The following HMSD variants were observed in gnomAD, a reference collection of about 807,000 sequenced individuals.
HMSD encodes the protein serpin-like protein HMSD.
In HMSD, 13 loss-of-function variants were observed where a neutral mutation model predicts 10.0. The ratio of observed to expected loss-of-function variants is 1.31; its 90% confidence interval spans 0.85 to 2.08. HMSD has a LOEUF of 2.08. Ranked by LOEUF, HMSD falls within the 30% of genes most tolerant of loss-of-function variation. The probability of loss-of-function intolerance (pLI) is 0.00; values close to 1 mark genes in which losing one functional copy is unlikely to be tolerated. For missense variants in HMSD, 169 were observed against 166.3 expected (o/e 1.02, Z -0.09); for synonymous variants, 51 against 54.2 (o/e 0.94, Z 0.26).
intron 3 of HMSD, among the ~76,000 whole-genome samples, chr18:63,957,596 AT>A (rs1250090883): frequency 1.3e-5 from 2 of 152,160 alleles, no homozygotes; most frequent in Non-Finnish European, 1.5e-5. Context: ...TATTTATAAG[AT>A]TTGTATATGA....
chr18:63,959,908 A>C (rs758206156), intron 3 of HMSD, among the ~76,000 whole-genome samples: 1 of 152,008 alleles, frequency 6.6e-6, no homozygotes. Context: ...GTGTACTGCC[A>C]CTCTCATGAA....
In HMSD at chr18:63,954,517, C is replaced by T; in HGVS notation, c.182C>T (p.Ala61Val). The T allele has an allele frequency of 1.2e-6, 2 of 1,612,630 alleles. No individual in the cohort carries two copies. Among genetic ancestry groups the T allele is most frequent in the Middle Eastern group, 1.7e-4 (1 of 6,058 alleles). The change falls in exon 3 of 4, where the codon GCC becomes GTC. Residue 61 changes from alanine (A) to valine (V), a missense_variant. Coordinates refer to ENST00000408945, the MANE Select transcript of HMSD (RefSeq NM_001123366.2). ...GACACTGAATATGTGCTTAGAACTG[C>T]CAACGGGCTCTTTGGAGAAAAGTCT... ...RTDTEYVLRT[A>V]NGLFGEKSYD... is the part of the protein sequence containing the mutation.
downstream of HMSD, among the ~76,000 whole-genome samples, chr18:63,964,131 C>T (rs753688505): frequency 1.6e-4 from 25 of 152,248 alleles, no homozygotes; most frequent in Non-Finnish European, 3.2e-4. Context: ...ATAGCCACTG[C>T]AGACTGCATG....
chr18:63,957,118 G>A (rs978465145), intron 3 of HMSD, among the ~76,000 whole-genome samples: 2 of 152,020 alleles, frequency 1.3e-5, no homozygotes, highest in African/African-American at 2.4e-5. Context: ...ACTACCTATC[G>A]GGTACTAGGC....
chr18:63,968,938 C>G (rs577835412), intron 3 of HMSD, among the ~76,000 whole-genome samples: 1 of 152,308 alleles, frequency 6.6e-6, no homozygotes, highest in East Asian at 1.9e-4. Context: ...AGGGAAATCA[C>G]TGAGCGAGTT....
Position 63,960,480 on chromosome 18 carries a change from C to G in HMSD, c.*125C>G, listed in dbSNP as rs1436894701. 1 of 1,334,186 alleles carries G rather than the reference C, an allele frequency of 7.5e-7. No individual in the cohort carries two copies. Among genetic ancestry groups the G allele is most frequent in the Admixed American group, 3.3e-5 (1 of 30,512 alleles). 82.6% of individuals were successfully genotyped at this position (1,334,186 alleles called of 1,614,324 possible). On this transcript the variant is annotated 3_prime_UTR_variant, in exon 4 of 4. Transcript: ENST00000408945. Reference sequence around the variant, plus strand: ...CTTATCAAGTATCTGTGATGTCTCTCTAGATGAAATAATCTCTTCCAGGTT... The same window carrying G: ...CTTATCAAGTATCTGTGATGTCTCTGTAGATGAAATAATCTCTTCCAGGTT...
chr18:63,950,966 A>C (rs1367696041), intron 1 of HMSD, among the ~76,000 whole-genome samples: 2 of 152,234 alleles, frequency 1.3e-5, no homozygotes, highest in South Asian at 4.1e-4. Flanking sequence ...ACCCTAGGAA[A>C]TATAAAAAGA....
intron 3 of HMSD, among the ~76,000 whole-genome samples, chr18:63,956,562 T>TA (rs1474561985): frequency 2.0e-5 from 3 of 152,182 alleles, no homozygotes; most frequent in African/African-American, 7.2e-5. Flanking sequence ...GAATGGCTGT[T>TA]ATTAAAATGT....
chr18:63,951,048 T>G (rs1347098243), intron 1 of HMSD, among the ~76,000 whole-genome samples: 2 of 152,380 alleles, frequency 1.3e-5, no homozygotes, highest in Admixed American at 1.3e-4. Context: ...TTATAATCAC[T>G]GTTGTACAGT....
chr18:63,962,177 T>A (rs2050389924), downstream of HMSD, among the ~76,000 whole-genome samples: 1 of 152,210 alleles, frequency 6.6e-6, no homozygotes, highest in Admixed American at 6.5e-5. Flanking sequence ...AATAAACCCA[T>A]GAGGAATCTG....
At chr18:63,955,984 C>T (rs1459979582) in intron 3 of HMSD, among the ~76,000 whole-genome samples, 2 of 152,200 alleles carry the variant, frequency 1.3e-5, no homozygotes, top group Non-Finnish European at 2.9e-5. Context: ...GGGCAGAGTG[C>T]CACCTGGACG....
Position 63,960,241 on chromosome 18 carries a change from A to T in HMSD, c.306A>T (p.Thr102=). The T allele has an allele frequency of 6.2e-7, 1 of 1,613,432 alleles. No individual in the cohort carries two copies. The highest frequency in any genetic ancestry group is 1.1e-5 in the South Asian group (1 of 90,798). The change falls in exon 4 of 4, where the codon ACA becomes ACT. Residue 102 remains threonine (T), a synonymous_variant. Coordinates refer to ENST00000408945, the MANE Select transcript of HMSD (RefSeq NM_001123366.2). ...TGAATGATACAGAGAAGTCCACAAC[A>T]CGTGTAAACTCCTGGGTTGCTGATA... ...DFVNDTEKST[T]RVNSWVADKT...
intron 3 of HMSD, among the ~76,000 whole-genome samples, chr18:63,957,065 C>T (rs982802934): frequency 2.0e-5 from 3 of 152,008 alleles, no homozygotes; most frequent in Admixed American, 2.0e-4. Context: ...GATATGGGGG[C>T]TTACTTGAGG....
At chr18:63,959,662 T>C (rs1007139486) in intron 3 of HMSD, among the ~76,000 whole-genome samples, 1 of 152,224 alleles carries the variant, frequency 6.6e-6, no homozygotes, top group African/African-American at 2.4e-5. Flanking sequence ...AGTTACTTGA[T>C]GTTGTTTTTG....
chr18:63,963,585 A>T (rs2050399319), downstream of HMSD, among the ~76,000 whole-genome samples: 2 of 152,178 alleles, frequency 1.3e-5, no homozygotes, highest in South Asian at 4.1e-4. Context: ...TTTACCAGTG[A>T]ATTCCTTAGA....
At chr18:63,953,557 A>T (rs2050342247) in intron 2 of HMSD, 30 bp downstream of exon 2, 1 of 1,555,958 alleles carries the variant, frequency 6.4e-7, no homozygotes, top group African/African-American at 1.4e-5. Context: ...GACAACAATA[A>T]GTGCTATCAA....
chr18:63,967,299 C>T (rs913236905), intron 3 of HMSD, among the ~76,000 whole-genome samples: 2 of 152,046 alleles, frequency 1.3e-5, no homozygotes, highest in Admixed American at 6.5e-5. Context: ...ACGCCTGGCT[C>T]ATTTTTGTAT....
rs185314837 is a variant in HMSD at position 63,957,076 on chromosome 18, G to A, written c.222+2519G>A. ...AACAGATATGGGGGCTTACTTGAGGGAGAAGGGTGTGGGGAGGGTGAGGAT... is the reference window on the plus strand; with the variant it reads ...AACAGATATGGGGGCTTACTTGAGGAAGAAGGGTGTGGGGAGGGTGAGGAT... On this transcript the variant is annotated intron_variant, in intron 3 of 3. Coordinates refer to ENST00000408945, the MANE Select transcript of HMSD (RefSeq NM_001123366.2). Among the ~76,000 whole-genome samples, 12 of 152,280 alleles carry A rather than the reference G, an allele frequency of 7.9e-5. No individual in the cohort carries two copies. The East Asian group carries it at 2.1e-3, about 27-fold the overall frequency.
chr18:63,962,108 T>C (rs2050389529), downstream of HMSD, among the ~76,000 whole-genome samples: 1 of 152,234 alleles, frequency 6.6e-6, no homozygotes, highest in Admixed American at 6.5e-5. Flanking sequence ...CTCAGATATG[T>C]TTACTGAATA....
Sources: gnomAD v4.1 joint callset for allele counts (sites outside exome capture counted in the v4.1 genomes callset) on GRCh38, gnomAD v4.1.1 for gene constraint, MANE v1.5 for transcripts, NCBI Gene and HGNC (gene_info 2026-07-23, HGNC 2026-07-21) for gene names.